Variants in PEAK1 observed in about 807,000 individuals in gnomAD.
PEAK1 encodes pseudopodium enriched atypical kinase 1.
Under a neutral mutation model 124.7 loss-of-function variants are expected in PEAK1, and 54 were observed. The ratio of observed to expected loss-of-function variants is 0.43; its 90% CI spans 0.35 to 0.54. The LOEUF (loss-of-function observed/expected upper bound fraction) is 0.54, where lower values mean the gene tolerates loss of function less well. Among genes scored for constraint, PEAK1 ranks in the 20% least tolerant of loss-of-function variants. PEAK1 has a pLI of 0.01. For synonymous variants in PEAK1, 719 were observed against 760.0 expected (o/e 0.95, Z 0.89); for missense variants, 2,046 against 2,134.5 (o/e 0.96, Z 0.82).
intron 6 of PEAK1, among the ~76,000 whole-genome samples, chr15:77,232,935 C>T (rs1387772195): frequency 2.0e-5 from 3 of 151,970 alleles, no homozygotes; most frequent in African/African-American, 4.8e-5. Context: ...TTAGTACAGA[C>T]GGGGTTTTAC....
upstream of PEAK1, chr15:77,420,671 C>T (rs1277665786): frequency 3.1e-5 from 12 of 388,020 alleles, no homozygotes; most frequent in East Asian, 4.0e-4. Flanking sequence ...GAAAATAAGG[C>T]TCACCTTGCG....
chr15:77,352,015 G>T, intron 2 of PEAK1: 1 of 932,686 alleles, frequency 1.1e-6, no homozygotes, highest in Non-Finnish European at 1.3e-6. Flanking sequence ...GAGCCCAGGA[G>T]TTCAAGACCA....
At chr15:77,223,886 A>ATTTTTTTTTTTTT (rs10719377) in intron 6 of PEAK1, among the ~76,000 whole-genome samples, 2 of 121,606 alleles carry the variant, frequency 1.6e-5, no homozygotes, top group Admixed American at 8.6e-5. Context: ...CATTTGAGAG[A>ATTTTTTTTTTTTT]TTTTTTTTTT....
intron 8 of PEAK1, chr15:77,155,665 G>C (rs932200502): frequency 6.6e-6 from 1 of 152,260 alleles, no homozygotes. Flanking sequence ...AGTTTTTGGT[G>C]TGGATGTCCT....
chr15:77,332,055 G>A (rs974455341), intron 2 of PEAK1: 2 of 420,796 alleles, frequency 4.8e-6, no homozygotes, highest in African/African-American at 4.4e-5. Context: ...TGGCCAACAT[G>A]GCGAAACTGT....
At chr15:77,321,137 T>C (rs1416523185) in intron 2 of PEAK1, among the ~76,000 whole-genome samples, 2 of 152,238 alleles carry the variant, frequency 1.3e-5, no homozygotes, top group Non-Finnish European at 1.5e-5. Context: ...CATGTGTCTT[T>C]ATAGCAGCAT....
intron 6 of PEAK1, among the ~76,000 whole-genome samples, chr15:77,206,491 G>A (rs1273713141): frequency 6.7e-6 from 1 of 149,242 alleles, no homozygotes; most frequent in Non-Finnish European, 1.5e-5. Context: ...AGCACCTGTT[G>A]TTTCCTGACT....
intron 7 of PEAK1, among the ~76,000 whole-genome samples, chr15:77,176,917 C>G (rs1019280181): frequency 1.1e-4 from 17 of 152,178 alleles, no homozygotes; most frequent in Admixed American, 1.1e-3. Flanking sequence ...CAACCATTTG[C>G]TGTTTAAGCT....
At chr15:77,352,934 T>G in intron 2 of PEAK1, 2 of 985,298 alleles carry the variant, frequency 2.0e-6, no homozygotes, top group Non-Finnish European at 2.4e-6. Context: ...AGCTAATGTA[T>G]TGTACTGCTC....
intron 2 of PEAK1, chr15:77,335,866 G>A (rs191142875): frequency 7.5e-5 from 74 of 985,282 alleles, no homozygotes; most frequent in Admixed American, 2.5e-4. Context: ...AAAGAGACTT[G>A]ACAACATGCC....
intron 1 of PEAK1, among the ~76,000 whole-genome samples, chr15:77,388,872 A>C (rs1200693810): frequency 2.0e-5 from 3 of 151,252 alleles, no homozygotes; most frequent in Non-Finnish European, 4.4e-5. Context: ...ACTTGAATAA[A>C]TTTGTTTCCA....
At chr15:77,286,946 T>C (rs563972126) in intron 2 of PEAK1, among the ~76,000 whole-genome samples, 1 of 152,282 alleles carries the variant, frequency 6.6e-6, no homozygotes, top group African/African-American at 2.4e-5. Context: ...AAAGAAGCTA[T>C]AAATTGCATC....
At chr15:77,276,130 T>A (rs1014617781) in intron 5 of PEAK1, among the ~76,000 whole-genome samples, 5 of 152,108 alleles carry the variant, frequency 3.3e-5, no homozygotes, top group African/African-American at 1.2e-4. Context: ...AAGATGAATA[T>A]TCATGTCATC....
chr15:77,227,257 A>C (rs1208756781), intron 6 of PEAK1, among the ~76,000 whole-genome samples: 1 of 152,180 alleles, frequency 6.6e-6, no homozygotes, highest in Non-Finnish European at 1.5e-5. Flanking sequence ...TTCTTATTAC[A>C]TATTTTGTAG....
intron 2 of PEAK1, chr15:77,347,063 A>G: frequency 2.9e-6 from 1 of 341,146 alleles, no homozygotes; most frequent in Non-Finnish European, 4.2e-6. Flanking sequence ...CACCAGTCTG[A>G]GGGAAGACCA....
intron 6 of PEAK1, among the ~76,000 whole-genome samples, chr15:77,198,225 G>A (rs1472351955): frequency 2.0e-5 from 3 of 152,134 alleles, no homozygotes; most frequent in Admixed American, 6.5e-5. Flanking sequence ...AAGGCCATGC[G>A]ATGCTAATCA....
At chr15:77,245,279 C>G (rs1478171658) in intron 6 of PEAK1, among the ~76,000 whole-genome samples, 1 of 150,994 alleles carries the variant, frequency 6.6e-6, no homozygotes, top group East Asian at 1.9e-4. Flanking sequence ...CACCTGAGCC[C>G]AAGAAGTCAA....
At chr15:77,337,867 A>T (rs2066296120) in intron 2 of PEAK1, 9 of 985,250 alleles carry the variant, frequency 9.1e-6, no homozygotes, top group Non-Finnish European at 1.1e-5. Flanking sequence ...GAAAAAAATC[A>T]ATTCCCTTGT....
chr15:77,172,267 G>C (rs1480076781), intron 7 of PEAK1, among the ~76,000 whole-genome samples: 2 of 152,140 alleles, frequency 1.3e-5, no homozygotes, highest in East Asian at 3.8e-4. Flanking sequence ...GGTTTACTGA[G>C]TTAATGCAGA....
Sources: allele counts gnomAD v4.1 joint callset (sites outside exome capture counted in the v4.1 genomes callset), GRCh38; gene constraint gnomAD v4.1.1; transcripts MANE v1.5; gene names NCBI Gene and HGNC (gene_info 2026-07-23, HGNC 2026-07-21).